CLEC19A: variants seen among roughly 807,000 people sequenced by gnomAD.
CLEC19A encodes the protein C-type lectin domain family 19 member A.
A neutral mutation model predicts 26.1 loss-of-function variants in CLEC19A; 21 were observed. The ratio of observed to expected loss-of-function variants is 0.80; its 90% confidence interval spans 0.57 to 1.16. The LOEUF is 1.16. Among genes scored for constraint, CLEC19A ranks in the 50% most tolerant of loss-of-function variants. The probability of loss-of-function intolerance (pLI) is 0.00; values close to 1 mark genes in which losing one functional copy is unlikely to be tolerated. For synonymous variants in CLEC19A, 89 were observed against 88.6 expected (o/e 1.00, Z -0.03); for missense variants, 224 against 227.6 (o/e 0.98, Z 0.10).
chr16:19,297,470 T>C (rs1897730015), intron 1 of CLEC19A, among the ~76,000 whole-genome samples: 1 of 152,186 alleles, frequency 6.6e-6, no homozygotes, highest in African/African-American at 2.4e-5. Flanking sequence ...TATTAAAGCC[T>C]TAAAAATCTC....
At chr16:19,297,882 A>C (rs185035557) in intron 1 of CLEC19A, among the ~76,000 whole-genome samples, 1 of 152,182 alleles carries the variant, frequency 6.6e-6, no homozygotes, top group Non-Finnish European at 1.5e-5. Context: ...GTAGGTATGT[A>C]TATGTTTTTT....
chr16:19,304,917 C>A (rs1897919522), intron 3 of CLEC19A: 1 of 152,404 alleles, frequency 6.6e-6, no homozygotes, highest in African/African-American at 2.4e-5. Flanking sequence ...CTTGGCTAGG[C>A]CAATGGGGAG....
rs754622477 is a variant in CLEC19A, at chr16:19,285,812, C to T, written c.-40C>T. On this transcript the variant is annotated 5_prime_UTR_variant, in exon 1 of 5. Coordinates refer to ENST00000636231, the MANE Select transcript of CLEC19A (RefSeq NM_001256720.2). ...CAAGCTCCAGCCAAAAAGCCTCTCTCCTCCACTCAGGCTGGGAGGTTGCTT... is the reference window on the plus strand; with the variant it reads ...CAAGCTCCAGCCAAAAAGCCTCTCTTCTCCACTCAGGCTGGGAGGTTGCTT... The T allele has an allele frequency of 6.5e-6, 10 of 1,533,730 alleles. No homozygotes were observed. Among genetic ancestry groups the T allele is most frequent in the Non-Finnish European group, 7.9e-6 (9 of 1,132,214 alleles).
chr16:19,293,872 C>T (rs1225792478), intron 1 of CLEC19A, among the ~76,000 whole-genome samples: 1 of 152,112 alleles, frequency 6.6e-6, no homozygotes, highest in African/African-American at 2.4e-5. Flanking sequence ...GTGTCCATCA[C>T]CTCAAGCATT....
chr16:19,305,351 T>C (rs1315021229), intron 3 of CLEC19A, among the ~76,000 whole-genome samples: 2 of 152,164 alleles, frequency 1.3e-5, no homozygotes, highest in Non-Finnish European at 2.9e-5. Context: ...AGGAAGTTAA[T>C]TAAGGAAGAC....
intron 2 of CLEC19A, 140 bp from the exon 3 acceptor site, chr16:19,303,922 T>G: frequency 3.0e-6 from 2 of 665,078 alleles, no homozygotes; most frequent in Middle Eastern, 2.9e-4. Flanking sequence ...GGTGACTTAA[T>G]GAAAAATGGA....
At chr16:19,296,527 T>C (rs1225230293) in intron 1 of CLEC19A, among the ~76,000 whole-genome samples, 1 of 152,186 alleles carries the variant, frequency 6.6e-6, no homozygotes, top group Non-Finnish European at 1.5e-5. Flanking sequence ...AAGCAGGTGC[T>C]ATAAAGACTG....
chr16:19,306,876 C>T (rs959544537), intron 3 of CLEC19A, among the ~76,000 whole-genome samples: 17 of 152,122 alleles, frequency 1.1e-4, no homozygotes, highest in African/African-American at 2.7e-4. Context: ...CATTACATGA[C>T]GTAGGCTCCA....
intron 1 of CLEC19A, among the ~76,000 whole-genome samples, chr16:19,298,243 CAAAA>C (rs377007663): frequency 1.6e-5 from 2 of 127,454 alleles, no homozygotes; most frequent in Non-Finnish European, 1.6e-5. Flanking sequence ...AACTCAATCT[CAAAA>C]AAAAAAAAAA....
At chr16:19,301,759 T>TG (rs1897838250) in intron 2 of CLEC19A, among the ~76,000 whole-genome samples, 3 of 136,238 alleles carry the variant, frequency 2.2e-5, no homozygotes, top group African/African-American at 8.3e-5. Context: ...TTTTTTTTTT[T>TG]TTTTTGTATT....
At chr16:19,299,594 C>T (rs1429038261) in intron 2 of CLEC19A, among the ~76,000 whole-genome samples, 1 of 152,204 alleles carries the variant, frequency 6.6e-6, no homozygotes, top group Non-Finnish European at 1.5e-5. Flanking sequence ...TTATATTCCC[C>T]CTGCTGGGAA....
chr16:19,298,630 C>T, intron 1 of CLEC19A, 43 bp from the exon 2 acceptor site: 1 of 1,537,676 alleles, frequency 6.5e-7, no homozygotes, highest in Non-Finnish European at 8.8e-7. Context: ...ACAATGTCAG[C>T]ACTGCCAACC....
In CLEC19A at chr16:19,298,741, C is replaced by T. The variant is rs1218446260; in HGVS notation, c.157C>T (p.Arg53Ter). 24 of 1,550,902 alleles carry T rather than the reference C, an allele frequency of 1.5e-5. No individual in the cohort carries two copies. In the Admixed American group the frequency reaches 1.6e-4, roughly 10 times the overall value. Reference sequence around the variant, plus strand: ...GATGGAGTTCAAAGGCCACTGCTATCGATTCTTCCCTCTCAATAAGACCTG... The same window carrying T: ...GATGGAGTTCAAAGGCCACTGCTATTGATTCTTCCCTCTCAATAAGACCTG... ...FWMEFKGHCY[R>*]FFPLNKTWAE... The change falls in exon 2 of 5, where the codon CGA becomes TGA. Residue 53 changes from arginine to a stop codon, truncating the protein, a stop_gained. Coordinates refer to ENST00000636231, the MANE Select transcript of CLEC19A (RefSeq NM_001256720.2). LOFTEE classifies it high-confidence loss of function.
intron 2 of CLEC19A, among the ~76,000 whole-genome samples, chr16:19,301,735 GGTTTTTTT>G (rs1897828716): frequency 5.7e-5 from 2 of 35,126 alleles, no homozygotes; most frequent in Non-Finnish European, 1.0e-4. Flanking sequence ...AGGTTTTTTT[GGTTTTTTT>G]TTTTTTTTTT....
At chr16:19,286,524 G>A (rs1417646266) in intron 1 of CLEC19A, among the ~76,000 whole-genome samples, 1 of 152,210 alleles carries the variant, frequency 6.6e-6, no homozygotes, top group African/African-American at 2.4e-5. Flanking sequence ...GTCAGCCTTG[G>A]GCATGTGGCC....
intron 1 of CLEC19A, 32 bp from the exon 2 acceptor site, chr16:19,298,641 T>C (rs1897754056): frequency 6.5e-7 from 1 of 1,548,110 alleles, no homozygotes; most frequent in Non-Finnish European, 8.7e-7. Flanking sequence ...ACTGCCAACC[T>C]TCCTCCCAGT....
chr16:19,291,887 G>C (rs1411236537), intron 1 of CLEC19A, among the ~76,000 whole-genome samples: 2 of 152,160 alleles, frequency 1.3e-5, no homozygotes, highest in Non-Finnish European at 1.5e-5. Context: ...CCATTTTCTG[G>C]TGTGTTTCAC....
Position 19,301,736 on chromosome 16 carries a change from G to GTTTTTTTTTTTTTTTTTTTTTT in CLEC19A, c.255-2319_255-2298dup, listed in dbSNP as rs1171248968. On this transcript the variant is annotated intron_variant, in intron 2 of 4. Transcript: ENST00000636231. ...ATGACACCATGCCCAGGTTTTTTTGGTTTTTTTTTTTTTTTTTTTTTTTTT... is the reference window on the plus strand; with the variant it reads ...ATGACACCATGCCCAGGTTTTTTTGGTTTTTTTTTTTTTTTTTTTTTTTTTTTTTTTTTTTTTTTTTTTTTTT... Among the ~76,000 whole-genome samples the GTTTTTTTTTTTTTTTTTTTTTT allele has an allele frequency of 2.6e-4, 21 of 81,492 alleles. 2 individuals are homozygous for GTTTTTTTTTTTTTTTTTTTTTT. The highest frequency in any genetic ancestry group is 5.8e-4 in the South Asian group (1 of 1,710). 53.5% of individuals were successfully genotyped at this position (81,492 alleles called of 152,430 possible).
chr16:19,294,299 G>T (rs1029183772), intron 1 of CLEC19A, among the ~76,000 whole-genome samples: 2 of 152,204 alleles, frequency 1.3e-5, no homozygotes, highest in African/African-American at 4.8e-5. Flanking sequence ...AGTTAGACTG[G>T]ACTTCTAAGG....
Sources: gnomAD v4.1 joint callset for allele counts (sites outside exome capture counted in the v4.1 genomes callset) on GRCh38, gnomAD v4.1.1 for gene constraint, MANE v1.5 for transcripts, NCBI Gene and HGNC (gene_info 2026-07-23, HGNC 2026-07-21) for gene names.